ARHGEF3: variants seen among roughly 807,000 people sequenced by gnomAD.
ARHGEF3 encodes Rho guanine nucleotide exchange factor 3, also known as 59.8 kDA protein.
A neutral mutation model predicts 63.2 loss-of-function variants in ARHGEF3; 28 were observed. That is an observed-to-expected ratio of 0.44 (90% CI 0.33 to 0.61). The LOEUF (loss-of-function observed/expected upper bound fraction) is 0.61, where lower values mean the gene tolerates loss of function less well. ARHGEF3 is among the 20% of genes least tolerant of loss of function. ARHGEF3 has a pLI of 0.03. For synonymous variants in ARHGEF3, 266 were observed against 254.2 expected (o/e 1.05, Z -0.44); for missense variants, 533 against 659.3 (o/e 0.81, Z 2.10).
At chr3:56,806,695 T>G (rs2037872212), upstream of ARHGEF3, among the ~76,000 whole-genome samples, 1 of 152,192 alleles carries the variant, frequency 6.6e-6, no homozygotes, top group Non-Finnish European at 1.5e-5. Flanking sequence ...TAGCTCCTTT[T>G]AGACTTGCAG....
chr3:56,887,406 G>A (rs1028267607), intron 3 of ARHGEF3, among the ~76,000 whole-genome samples: 1 of 152,178 alleles, frequency 6.6e-6, no homozygotes, highest in African/African-American at 2.4e-5. Flanking sequence ...GTATCAGGAG[G>A]AGGCTGAGAC....
intron 4 of ARHGEF3, among the ~76,000 whole-genome samples, chr3:56,850,165 C>T (rs1327425529): frequency 6.6e-6 from 1 of 152,166 alleles, no homozygotes; most frequent in African/African-American, 2.4e-5. Context: ...ACTGCAGTTC[C>T]TGGAATTTTT....
At chr3:56,840,530 C>G (rs1209432158) in intron 4 of ARHGEF3, among the ~76,000 whole-genome samples, 1 of 152,222 alleles carries the variant, frequency 6.6e-6, no homozygotes, top group Non-Finnish European at 1.5e-5. Flanking sequence ...TACAGACCGT[C>G]TCTCACAGAA....
chr3:57,042,669 TA>T lies in ARHGEF3; in HGVS notation c.-27-7494del, dbSNP rs1560155898. On this transcript the variant is annotated intron_variant, in intron 1 of 12. Transcript: ENST00000338458. ...GTACATAAATATATATATATATATA[TA>T]TATATATATATATATATATATATAT... is the stretch of plus-strand genomic sequence containing the variant. Among the ~76,000 whole-genome samples, 22 of 14,280 alleles carry T rather than the reference TA, an allele frequency of 1.5e-3. 2 individuals are homozygous for T. The highest frequency in any genetic ancestry group is 4.5e-3 in the African/African-American group (12 of 2,642). 9.4% of individuals were successfully genotyped at this position (14,280 alleles called of 152,430 possible). A position where few individuals can be genotyped will look rare whatever the true frequency, so the allele number is the denominator to read the frequency against.
At chr3:56,966,079 C>A (rs1440479945) in intron 2 of ARHGEF3, among the ~76,000 whole-genome samples, 1 of 152,092 alleles carries the variant, frequency 6.6e-6, no homozygotes, top group Non-Finnish European at 1.5e-5. Context: ...TTTAGAAACA[C>A]ACAAAATACT....
At chr3:56,737,050 G>T in intron 8 of ARHGEF3, 135 bp downstream of exon 8, 2 of 1,028,310 alleles carry the variant, frequency 1.9e-6, no homozygotes, top group Non-Finnish European at 2.7e-6. Flanking sequence ...AGCCAGCCTG[G>T]GTGACAAAGC....
chr3:56,917,440 T>C (rs2042017012), intron 3 of ARHGEF3, among the ~76,000 whole-genome samples: 2 of 152,202 alleles, frequency 1.3e-5, no homozygotes, highest in Admixed American at 1.3e-4. Flanking sequence ...AGAGCCTTCC[T>C]CTGTCTCAAG....
chr3:56,896,385 T>C (rs908762438), intron 3 of ARHGEF3, among the ~76,000 whole-genome samples: 5 of 152,234 alleles, frequency 3.3e-5, no homozygotes, highest in South Asian at 4.1e-4. Context: ...TCAGTGTGTA[T>C]GTCCTAAGAA....
chr3:56,752,846 A>G (rs1308281712), intron 4 of ARHGEF3, among the ~76,000 whole-genome samples: 1 of 152,214 alleles, frequency 6.6e-6, no homozygotes, highest in Non-Finnish European at 1.5e-5. Context: ...ATTTCATCTT[A>G]GCAGAAAGAC....
intron 3 of ARHGEF3, among the ~76,000 whole-genome samples, chr3:56,888,943 AG>A (rs774919007): frequency 2.0e-5 from 3 of 152,076 alleles, no homozygotes; most frequent in Non-Finnish European, 4.4e-5. Flanking sequence ...AAAAATGACC[AG>A]GGGGTCCCTT....
intron 2 of ARHGEF3, among the ~76,000 whole-genome samples, chr3:57,024,115 C>T (rs991385866): frequency 6.6e-6 from 1 of 152,164 alleles, no homozygotes; most frequent in Admixed American, 6.5e-5. Flanking sequence ...TACATGCTTA[C>T]ACTTGCATAC....
intron 1 of ARHGEF3, among the ~76,000 whole-genome samples, chr3:56,788,579 C>G (rs1384085040): frequency 6.6e-6 from 1 of 152,028 alleles, no homozygotes; most frequent in Admixed American, 6.6e-5. Flanking sequence ...GTTAAAGCAC[C>G]CTGCAAATGA....
intron 3 of ARHGEF3, among the ~76,000 whole-genome samples, chr3:56,941,353 G>A (rs1370710015): frequency 6.6e-6 from 1 of 152,204 alleles, no homozygotes; most frequent in African/African-American, 2.4e-5. Flanking sequence ...GGTCCCAGGA[G>A]TGTGCCAACA....
intron 4 of ARHGEF3, among the ~76,000 whole-genome samples, chr3:56,811,967 A>G (rs897093698): frequency 1.3e-5 from 2 of 152,120 alleles, no homozygotes; most frequent in Non-Finnish European, 2.9e-5. Context: ...ATATTGACTG[A>G]TTTTATGTCT....
intron 1 of ARHGEF3, among the ~76,000 whole-genome samples, chr3:57,044,317 A>G (rs1704353948): frequency 6.6e-6 from 1 of 152,212 alleles, no homozygotes; most frequent in African/African-American, 2.4e-5. Flanking sequence ...AAAGTGGTCC[A>G]CTTGGGGGGG....
intron 2 of ARHGEF3, chr3:56,977,336 T>G: frequency 2.2e-6 from 1 of 456,596 alleles, no homozygotes; most frequent in Non-Finnish European, 4.4e-6. Context: ...CCCATTCTCT[T>G]GGGCCCCTCA....
At chr3:56,751,478 T>C (rs2034740407) in intron 4 of ARHGEF3, 82 bp from the exon 5 acceptor site, 1 of 1,137,706 alleles carries the variant, frequency 8.8e-7, no homozygotes, top group Non-Finnish European at 1.3e-6. Flanking sequence ...TCCTGAGAGG[T>C]CCTATCCAAT....
chr3:57,073,587 G>T, intron 1 of ARHGEF3: 1 of 1,458,312 alleles, frequency 6.9e-7, no homozygotes. Context: ...AATTGGAACA[G>T]TGCACTCAGA....
At chr3:56,850,187 C>T (rs762258650) in intron 4 of ARHGEF3, among the ~76,000 whole-genome samples, 1 of 152,164 alleles carries the variant, frequency 6.6e-6, no homozygotes, top group Non-Finnish European at 1.5e-5. Context: ...AAAATATCAG[C>T]AGTCCCCATC....
Sources: allele counts gnomAD v4.1 joint callset (sites outside exome capture counted in the v4.1 genomes callset), GRCh38; gene constraint gnomAD v4.1.1; transcripts MANE v1.5; gene names NCBI Gene and HGNC (gene_info 2026-07-23, HGNC 2026-07-21).